Variants in FLVCR2 observed in about 807,000 individuals in gnomAD.
FLVCR2 encodes the protein choline/ethanolamine transporter FLVCR2.
A neutral mutation model predicts 48.9 loss-of-function variants in FLVCR2; 38 were observed. The ratio of observed to expected loss-of-function variants is 0.78; its 90% confidence interval spans 0.60 to 1.02. The LOEUF (loss-of-function observed/expected upper bound fraction) is 1.02, where lower values mean the gene tolerates loss of function less well. FLVCR2 is among the 50% of genes least tolerant of loss of function. The pLI is 0.00. For synonymous variants in FLVCR2, 255 were observed against 257.0 expected (o/e 0.99, Z 0.07); for missense variants, 664 against 663.3 (o/e 1.00, Z -0.01).
chr14:75,579,599 T>C lies in FLVCR2; in HGVS notation c.627T>C (p.Asn209=), dbSNP rs760857159. ...SRIASVWFGA[N]EVSTACSVAV... is the part of the protein sequence containing the mutation. ...TCGCTTCCGTCTGGTTCGGGGCTAATGAGGTTTCAACAGCCTGCTCCGTGG... is the reference window on the plus strand; with the variant it reads ...TCGCTTCCGTCTGGTTCGGGGCTAACGAGGTTTCAACAGCCTGCTCCGTGG... The change falls in exon 1 of 10, where the codon AAT becomes AAC. Residue 209 remains asparagine (N), a synonymous_variant. Transcript: ENST00000238667. 17 of 1,614,114 alleles carry C rather than the reference T, an allele frequency of 1.1e-5. No individual in the cohort carries two copies. Among genetic ancestry groups the C allele is most frequent in the South Asian group, 2.2e-5 (2 of 91,080 alleles).
chr14:75,620,146 T>C (rs1311369085), intron 1 of FLVCR2, among the ~76,000 whole-genome samples: 3 of 152,200 alleles, frequency 2.0e-5, no homozygotes, highest in Non-Finnish European at 4.4e-5. Flanking sequence ...GCTTCCCAGC[T>C]ATGAAGAAGG....
chr14:75,629,385 C>T (rs1005053466), intron 3 of FLVCR2, among the ~76,000 whole-genome samples: 22 of 151,876 alleles, frequency 1.4e-4, no homozygotes, highest in African/African-American at 7.3e-5. Flanking sequence ...CTTGATGTTG[C>T]GGAAATATCA....
intron 1 of FLVCR2, among the ~76,000 whole-genome samples, chr14:75,606,975 C>G (rs1012149412): frequency 6.6e-6 from 1 of 151,962 alleles, no homozygotes; most frequent in Admixed American, 6.6e-5. Context: ...TCCTGGGCAC[C>G]AGAGCAGACC....
intron 1 of FLVCR2, among the ~76,000 whole-genome samples, chr14:75,609,421 T>C (rs1889380311): frequency 6.6e-6 from 1 of 152,210 alleles, no homozygotes; most frequent in Non-Finnish European, 1.5e-5. Context: ...CTGCAATCTC[T>C]CTCTTTCTCT....
At chr14:75,624,235 C>T (rs1180804139) in intron 2 of FLVCR2, among the ~76,000 whole-genome samples, 2 of 149,940 alleles carry the variant, frequency 1.3e-5, no homozygotes, top group African/African-American at 4.9e-5. Flanking sequence ...TGGTGGCATA[C>T]GCCTGTAGTC....
intron 1 of FLVCR2, among the ~76,000 whole-genome samples, chr14:75,618,424 A>G (rs1000209728): frequency 1.3e-5 from 2 of 152,238 alleles, no homozygotes; most frequent in African/African-American, 2.4e-5. Flanking sequence ...AATTTTGAAA[A>G]GTATGTTCCA....
intron 1 of FLVCR2, among the ~76,000 whole-genome samples, chr14:75,612,751 C>T (rs1889492412): frequency 6.6e-6 from 1 of 152,288 alleles, no homozygotes; most frequent in South Asian, 2.1e-4. Context: ...CCACCTTGGA[C>T]TCTCCTTGCT....
intron 4 of FLVCR2, 78 bp downstream of exon 4, chr14:75,633,774 C>T (rs533371902): frequency 2.2e-5 from 25 of 1,111,872 alleles, no homozygotes; most frequent in Admixed American, 1.3e-4. Flanking sequence ...CTGGGATGAC[C>T]GTTAAGTCTT....
intron 1 of FLVCR2, chr14:75,604,231 G>A (rs950847346): frequency 1.3e-5 from 2 of 152,218 alleles, no homozygotes; most frequent in African/African-American, 4.8e-5. Flanking sequence ...AAGCTAAGCA[G>A]GGTCGGGCCT....
intron 1 of FLVCR2, chr14:75,605,673 T>C (rs1474308547): frequency 6.6e-7 from 1 of 1,516,916 alleles, no homozygotes; most frequent in African/African-American, 1.4e-5. Context: ...TTCAGCCGTG[T>C]GTCCGGAGCC....
At chr14:75,593,640 C>T (rs1888940829) in intron 1 of FLVCR2, among the ~76,000 whole-genome samples, 1 of 152,190 alleles carries the variant, frequency 6.6e-6, no homozygotes. Context: ...AACACCACCC[C>T]ATTGGGGATA....
At chr14:75,629,550 T>G (rs1889987778) in intron 3 of FLVCR2, among the ~76,000 whole-genome samples, 1 of 152,134 alleles carries the variant, frequency 6.6e-6, no homozygotes, top group Non-Finnish European at 1.5e-5. Context: ...AACCTTCCTC[T>G]GGCTACCTTC....
chr14:75,584,779 T>G (rs1459547886), intron 1 of FLVCR2, among the ~76,000 whole-genome samples: 1 of 152,218 alleles, frequency 6.6e-6, no homozygotes. Context: ...GGATGACATT[T>G]AAGTCACTCC....
intron 2 of FLVCR2, among the ~76,000 whole-genome samples, chr14:75,624,373 A>G (rs1889842778): frequency 6.6e-6 from 1 of 152,194 alleles, no homozygotes; most frequent in Non-Finnish European, 1.5e-5. Flanking sequence ...AAGAAAAAAA[A>G]AAAGAAAATG....
intron 1 of FLVCR2, among the ~76,000 whole-genome samples, chr14:75,582,879 G>A (rs1888645054): frequency 6.6e-6 from 1 of 152,206 alleles, no homozygotes; most frequent in African/African-American, 2.4e-5. Context: ...AAGGAAAGAA[G>A]TTGTTTTGTA....
intron 1 of FLVCR2, among the ~76,000 whole-genome samples, chr14:75,593,529 A>G (rs1298296901): frequency 2.6e-5 from 4 of 152,220 alleles, no homozygotes; most frequent in Admixed American, 6.5e-5. Flanking sequence ...TTCTGCAGGA[A>G]CTAATCTAGT....
intron 3 of FLVCR2, chr14:75,632,949 T>C (rs2140047306): frequency 1.4e-6 from 1 of 702,380 alleles, no homozygotes; most frequent in East Asian, 2.7e-5. Context: ...CTTTTCTCCT[T>C]TGGGTCAGTT....
chr14:75,604,025 T>G (rs538531845), intron 1 of FLVCR2: 2 of 152,408 alleles, frequency 1.3e-5, no homozygotes, highest in South Asian at 4.1e-4. Flanking sequence ...GTCAGTTAAC[T>G]GAGAGTTCAG....
At position 75,625,233 on chromosome 14, in the gene FLVCR2, CAT is replaced by C. The variant is rs368014595; in HGVS notation, c.952+486_952+487del. ...TAGTTAATTAATTAATGCATGCATG[CAT>C]ATATGTGTCTTGCCACATGAGTCAC... On this transcript the variant is annotated intron_variant, in intron 3 of 9. Coordinates refer to ENST00000238667, the MANE Select transcript of FLVCR2 (RefSeq NM_017791.3). Among the ~76,000 whole-genome samples, 556 of 149,796 alleles carry C rather than the reference CAT, an allele frequency of 3.7e-3. 7 individuals are homozygous for C. The highest frequency in any genetic ancestry group is 0.01 in the Middle Eastern group (3 of 294).
Sources: gnomAD v4.1 joint callset for allele counts (sites outside exome capture counted in the v4.1 genomes callset) on GRCh38, gnomAD v4.1.1 for gene constraint, MANE v1.5 for transcripts, NCBI Gene and HGNC (gene_info 2026-07-23, HGNC 2026-07-21) for gene names.